Variants in YPEL1 observed in about 807,000 individuals in gnomAD.
YPEL1 encodes protein yippee-like 1.
In YPEL1, 7 loss-of-function variants were observed where a neutral mutation model predicts 17.3. The ratio of observed to expected loss-of-function variants is 0.40; its 90% CI spans 0.23 to 0.76. The LOEUF is 0.76. Ranked by LOEUF, YPEL1 falls within the 30% of genes least tolerant of loss-of-function variation. The pLI, the probability that YPEL1 is intolerant of heterozygous loss-of-function variation, is 0.35. For synonymous variants in YPEL1, 59 were observed against 59.6 expected, an observed-to-expected ratio of 0.99 and a Z score of 0.05; for missense variants, 91 against 155.5, an observed-to-expected ratio of 0.59 and a Z score of 2.21.
chr22:21,726,399 C>T (rs1382314483), intron 1 of YPEL1, among the ~76,000 whole-genome samples: 1 of 152,172 alleles, frequency 6.6e-6, no homozygotes, highest in East Asian at 1.9e-4. Context: ...GTTGAATTCT[C>T]ACAACATCCT....
At chr22:21,729,933 A>T (rs2068371825) in intron 1 of YPEL1, among the ~76,000 whole-genome samples, 1 of 152,124 alleles carries the variant, frequency 6.6e-6, no homozygotes. Flanking sequence ...AGATCACCTG[A>T]GGTCTGGAGA....
intron 1 of YPEL1, among the ~76,000 whole-genome samples, chr22:21,725,502 TAC>T (rs1355630905): frequency 6.6e-6 from 1 of 152,080 alleles, no homozygotes; most frequent in African/African-American, 2.4e-5. Context: ...GTGCTGGGAT[TAC>T]AGGTGTGAGC....
At chr22:21,725,139 C>T (rs2068322169) in intron 1 of YPEL1, among the ~76,000 whole-genome samples, 1 of 151,794 alleles carries the variant, frequency 6.6e-6, no homozygotes, top group East Asian at 1.9e-4. Context: ...GACCTCCTGA[C>T]CTCAAGTGAC....
intron 4 of YPEL1, 72 bp from the exon 5 acceptor site, chr22:21,701,290 A>C: frequency 8.4e-7 from 1 of 1,183,978 alleles, no homozygotes; most frequent in Non-Finnish European, 1.2e-6. Context: ...TTTTGGCAAA[A>C]ACCCCCCCCA....
chr22:21,701,351 T>A, intron 4 of YPEL1, 133 bp from the exon 5 acceptor site: 1 of 619,796 alleles, frequency 1.6e-6, no homozygotes. Flanking sequence ...GGTGCACTCA[T>A]CCGGCGCTGG....
At position 21,700,299 on chromosome 22, in the gene YPEL1, AGACT is replaced by A. The variant is rs2068052259; in HGVS notation, c.*826_*829del. Reference sequence around the variant, plus strand: ...GAGACCCTGTCCCTGTGGTCTTCAGAGACTCAGTCTGGTTCTCTCTTGTTTTAAA... The same window carrying A: ...GAGACCCTGTCCCTGTGGTCTTCAGACAGTCTGGTTCTCTCTTGTTTTAAA... On this transcript the variant is annotated 3_prime_UTR_variant, in exon 5 of 5. Coordinates refer to ENST00000339468, the MANE Select transcript of YPEL1 (RefSeq NM_013313.5). 1.3e-5 allele frequency: 2 copies of A among 152,206 alleles called. No homozygotes were observed. The highest frequency in any genetic ancestry group is 2.9e-5 in the Non-Finnish European group (2 of 68,040). The allele number at this position is 152,206 out of a possible 1,614,324, so 9.4% of individuals were successfully genotyped here.
At chr22:21,701,294 C>G (rs560869613) in intron 4 of YPEL1, 76 bp from the exon 5 acceptor site, 126 of 1,054,898 alleles carry the variant, frequency 1.2e-4, no homozygotes, top group South Asian at 3.4e-4. Flanking sequence ...GGCAAAAACC[C>G]CCCCCAAGTC....
Position 21,710,881 on chromosome 22 carries a change from C to A in YPEL1, c.-137G>T. 1.3e-6 allele frequency: 1 copy of A among 773,970 alleles called. No homozygotes were observed. Among genetic ancestry groups the A allele is most frequent in the East Asian group, 2.4e-5 (1 of 40,918 alleles). The allele number at this position is 773,970 out of a possible 1,614,324, so 47.9% of individuals were successfully genotyped here. A position where few individuals can be genotyped will look rare whatever the true frequency, so the allele number is the denominator to read the frequency against. ...CCAGGAGGGCGTGTGGCACTGTCCACACAGCTGGGACGAGAGAAAAACGTA... is the reference window on the plus strand; with the variant it reads ...CCAGGAGGGCGTGTGGCACTGTCCAAACAGCTGGGACGAGAGAAAAACGTA... On this transcript the variant is annotated 5_prime_UTR_variant, in exon 2 of 5. Transcript: ENST00000339468.
In YPEL1 at chr22:21,719,974, T is replaced by C. The variant is rs8139523; in HGVS notation, c.-164-9066A>G. Among the ~76,000 whole-genome samples the C allele has an allele frequency of 5.2e-3, 756 of 146,228 alleles. 5 individuals carry two copies. The highest frequency in any genetic ancestry group is 0.018 in the African/African-American group (692 of 39,328). On this transcript the variant is annotated intron_variant, in intron 1 of 4. Transcript: ENST00000339468. The stretch of plus-strand genomic sequence containing the variant: ...TTGCAGGGAGCCAAGATCGCACCAC[T>C]GCACTCCAGCGTGGGTGACAGAGCG...
chr22:21,698,793 G>C lies in YPEL1; in HGVS notation c.*2336C>G, dbSNP rs778338291. 6.6e-6 allele frequency: 1 copy of C among 152,434 alleles called. No individual in the cohort carries two copies. Among genetic ancestry groups the C allele is most frequent in the East Asian group, 1.9e-4 (1 of 5,344 alleles). The allele number at this position is 152,434 out of a possible 1,614,324, so 9.4% of individuals were successfully genotyped here. A position where few individuals can be genotyped will look rare whatever the true frequency, so the allele number is the denominator to read the frequency against. On this transcript the variant is annotated 3_prime_UTR_variant, in exon 5 of 5. Coordinates refer to ENST00000339468, the MANE Select transcript of YPEL1 (RefSeq NM_013313.5). ...CAGCAAGAGCCCTGCAGCGTGCAGT[G>C]ACCCCTGCGCTCTGGGTGGCTGCAC... is the stretch of plus-strand genomic sequence containing the variant.
intron 1 of YPEL1, among the ~76,000 whole-genome samples, chr22:21,718,315 A>G (rs1199689548): frequency 6.6e-6 from 1 of 151,780 alleles, no homozygotes; most frequent in Non-Finnish European, 1.5e-5. Context: ...TACAAAAAAA[A>G]TTAGTGGGGC....
chr22:21,715,230 C>T (rs2068209575), intron 1 of YPEL1, among the ~76,000 whole-genome samples: 2 of 152,088 alleles, frequency 1.3e-5, no homozygotes, highest in Admixed American at 1.3e-4. Context: ...TGTGGTGGCT[C>T]ACATCTGTAA....
chr22:21,717,047 C>T (rs71314791), intron 1 of YPEL1, among the ~76,000 whole-genome samples: 3 of 151,648 alleles, frequency 2.0e-5, no homozygotes, highest in African/African-American at 4.8e-5. Context: ...ACTGAAGATA[C>T]GTCAGAATAA....
chr22:21,711,487 C>T (rs960757092), intron 1 of YPEL1, among the ~76,000 whole-genome samples: 4 of 152,266 alleles, frequency 2.6e-5, no homozygotes, highest in East Asian at 3.9e-4. Context: ...GAATTCACCA[C>T]GCAGAGCACC....
chr22:21,728,097 G>T (rs549251354), intron 1 of YPEL1, among the ~76,000 whole-genome samples: 71 of 152,304 alleles, frequency 4.7e-4, no homozygotes, highest in Non-Finnish European at 7.4e-4. Flanking sequence ...GTTCAGCCAG[G>T]ATTCATAAAG....
chr22:21,710,873 A>G lies in YPEL1; in HGVS notation c.-129T>C. 5 of 799,426 alleles carry G rather than the reference A, an allele frequency of 6.3e-6. No individual in the cohort carries two copies. The highest frequency in any genetic ancestry group is 1.7e-5 in the African/African-American group (1 of 59,618). The allele number at this position is 799,426 out of a possible 1,614,324, so 49.5% of individuals were successfully genotyped here. ...GTCGTTGTCCAGGAGGGCGTGTGGC[A>G]CTGTCCACACAGCTGGGACGAGAGA... On this transcript the variant is annotated 5_prime_UTR_variant, in exon 2 of 5. Transcript: ENST00000339468.
intron 1 of YPEL1, among the ~76,000 whole-genome samples, chr22:21,734,896 T>C (rs1191457316): frequency 6.6e-6 from 1 of 151,906 alleles, no homozygotes; most frequent in Non-Finnish European, 1.5e-5. Flanking sequence ...CAGGTTAAGG[T>C]GGGTATGTTT....
chr22:21,732,287 G>A (rs1237976969), intron 1 of YPEL1, among the ~76,000 whole-genome samples: 3 of 152,184 alleles, frequency 2.0e-5, no homozygotes, highest in African/African-American at 4.8e-5. Flanking sequence ...TTCAACCTCC[G>A]CTCAAATCTC....
At chr22:21,715,743 A>C (rs2068215881) in intron 1 of YPEL1, among the ~76,000 whole-genome samples, 1 of 96,376 alleles carries the variant, frequency 1.0e-5, no homozygotes, top group Non-Finnish European at 2.3e-5. Context: ...CACCACACCT[A>C]ATTTTTCTTT....
Sources: gnomAD v4.1 joint callset for allele counts (sites outside exome capture counted in the v4.1 genomes callset) on GRCh38, gnomAD v4.1.1 for gene constraint, MANE v1.5 for transcripts, NCBI Gene and HGNC (gene_info 2026-07-23, HGNC 2026-07-21) for gene names.